The following RANBP2 variants were observed in gnomAD, a reference collection of about 807,000 sequenced individuals.
The protein encoded by RANBP2 is RAN binding protein 2.
A neutral mutation model predicts 303.6 loss-of-function variants in RANBP2; 57 were observed. That is an observed-to-expected ratio of 0.19 (90% CI 0.15 to 0.23). The LOEUF is 0.23. Ranked by LOEUF, RANBP2 falls within the 10% of genes least tolerant of loss-of-function variation. The pLI is 1.00. For synonymous variants in RANBP2, 1,167 were observed against 1,301.5 expected, an observed-to-expected ratio of 0.90 and a Z score of 2.23; for missense variants, 3,138 against 3,780.8, an observed-to-expected ratio of 0.83 and a Z score of 4.46.
At chr2:108,860,920 C>G in the RANBP2 span, among the ~76,000 whole-genome samples, 1 of 126,616 alleles carries the variant, frequency 7.9e-6, no homozygotes, top group Non-Finnish European at 1.6e-5. Context: ...GGCTGTGAAT[C>G]CATCTGGTCC....
the RANBP2 span, chr2:109,419,410 G>A: frequency 4.9e-5 from 46 of 944,062 alleles, no homozygotes; most frequent in East Asian, 4.2e-4. Context: ...GGCACAGCAC[G>A]TTGGAGGCCA....
Position 108,753,123 on chromosome 2 carries a change from T to A in RANBP2, c.1881T>A (p.Asp627Glu). The A allele has an allele frequency of 6.2e-7, 1 of 1,609,490 alleles. No homozygotes were observed. Among genetic ancestry groups the A allele is most frequent in the South Asian group, 1.1e-5 (1 of 90,204 alleles). The change falls in exon 13 of 29, where the codon GAT becomes GAA. Residue 627 changes from aspartate to glutamate, a missense_variant. Coordinates refer to ENST00000283195, the MANE Select transcript of RANBP2 (RefSeq NM_006267.5). ...KKKNSIPEPI[D>E]PLFKHFHSVD... ...AGAACAGTATTCCTGAACCTATTGA[T>A]CCTCTGTTTAAACATTTTCATAGTG...
chr2:109,044,722 G>A, the RANBP2 span, among the ~76,000 whole-genome samples: 1 of 152,014 alleles, frequency 6.6e-6, no homozygotes, highest in Admixed American at 6.6e-5. Context: ...GTATCTGTGT[G>A]GAGCTAGGGG....
At chr2:109,180,521 T>A in the RANBP2 span, among the ~76,000 whole-genome samples, 1 of 152,196 alleles carries the variant, frequency 6.6e-6, no homozygotes, top group Non-Finnish European at 1.5e-5. Flanking sequence ...ACTCTCATAA[T>A]TCCCACGTGT....
At chr2:109,698,834 G>T in the RANBP2 span, among the ~76,000 whole-genome samples, 1 of 152,186 alleles carries the variant, frequency 6.6e-6, no homozygotes, top group South Asian at 2.1e-4. Context: ...GGCTGAGGCT[G>T]AGGCTGGAGA....
rs775608632 is a variant in RANBP2 at position 108,735,659 on chromosome 2, C to G, written c.533C>G (p.Thr178Ser). The change falls in exon 5 of 29, where the codon ACT becomes AGT. Residue 178 changes from threonine to serine, a missense_variant. This residue lies in a region of RANBP2 where 306 missense variants were observed against 381.9 expected (regional missense o/e 0.80). Coordinates refer to ENST00000283195, the MANE Select transcript of RANBP2 (RefSeq NM_006267.5). The stretch of plus-strand genomic sequence containing the variant: ...CGGCTAGTGGAGGTGTATCGCTCAA[C>G]TAAAAGATTGAAGGATGCTGTGGCC... ...NIRLVEVYRSTKRLKDAVAHC... is the reference protein window; with the variant it reads ...NIRLVEVYRSSKRLKDAVAHC... 1.9e-6 allele frequency: 3 copies of G among 1,597,564 alleles called. No homozygotes were observed. Among genetic ancestry groups the G allele is most frequent in the African/African-American group, 2.7e-5 (2 of 74,972 alleles).
the RANBP2 span, among the ~76,000 whole-genome samples, chr2:108,991,719 A>C: frequency 6.6e-6 from 1 of 152,244 alleles, no homozygotes; most frequent in Non-Finnish European, 1.5e-5. Context: ...AAAAACACTC[A>C]GGGGTTGGTA....
the RANBP2 span, among the ~76,000 whole-genome samples, chr2:109,680,632 T>C: frequency 6.6e-6 from 1 of 152,192 alleles, no homozygotes; most frequent in African/African-American, 2.4e-5. Flanking sequence ...CATCACCTGT[T>C]TTCCCCTGGC....
the RANBP2 span, among the ~76,000 whole-genome samples, chr2:109,059,834 TG>T: frequency 0.42 from 64,121 of 151,696 alleles, 15,137 homozygotes; most frequent in South Asian, 0.66. Flanking sequence ...TTTTGGTGGG[TG>T]GGGGGGATGT....
At chr2:108,824,411 G>A in the RANBP2 span, among the ~76,000 whole-genome samples, 7 of 151,664 alleles carry the variant, frequency 4.6e-5, no homozygotes, top group Non-Finnish European at 7.4e-5. Context: ...AGACACAAAC[G>A]CACATGTTAG....
At chr2:109,092,542 A>G in the RANBP2 span, among the ~76,000 whole-genome samples, 1 of 152,212 alleles carries the variant, frequency 6.6e-6, no homozygotes, top group Non-Finnish European at 1.5e-5. Context: ...ACATTTCCAT[A>G]AAACAGAAAA....
chr2:108,985,113 A>C, the RANBP2 span, among the ~76,000 whole-genome samples: 1 of 151,718 alleles, frequency 6.6e-6, no homozygotes, highest in Non-Finnish European at 1.5e-5. Flanking sequence ...GGCAGAATCA[A>C]CTCTTTTTTA....
At chr2:109,553,308 G>C in the RANBP2 span, 1 of 1,363,742 alleles carries the variant, frequency 7.3e-7, no homozygotes, top group Non-Finnish European at 1.0e-6. Flanking sequence ...ACTTTGGGAG[G>C]CCGAGGCAGG....
chr2:109,691,536 G>A, the RANBP2 span, among the ~76,000 whole-genome samples: 1 of 152,120 alleles, frequency 6.6e-6, no homozygotes, highest in Non-Finnish European at 1.5e-5. Context: ...GGCCAGGCTA[G>A]GTCTAGAATG....
the RANBP2 span, among the ~76,000 whole-genome samples, chr2:108,956,428 A>T: frequency 6.6e-6 from 1 of 152,150 alleles, no homozygotes; most frequent in East Asian, 1.9e-4. Flanking sequence ...TCCTGATGCC[A>T]CTCAAATCCC....
the RANBP2 span, among the ~76,000 whole-genome samples, chr2:109,029,258 C>G: frequency 6.6e-6 from 1 of 152,352 alleles, no homozygotes; most frequent in Non-Finnish European, 1.5e-5. Flanking sequence ...CCTCCCCATC[C>G]CAGCCCCCAT....
At chr2:109,531,935 C>A in the RANBP2 span, among the ~76,000 whole-genome samples, 5 of 152,240 alleles carry the variant, frequency 3.3e-5, no homozygotes, top group Admixed American at 3.3e-4. Flanking sequence ...AAATTGATTG[C>A]ACTTGGCCAA....
At chr2:109,568,877 T>C in the RANBP2 span, among the ~76,000 whole-genome samples, 1 of 152,096 alleles carries the variant, frequency 6.6e-6, no homozygotes, top group South Asian at 2.1e-4. Flanking sequence ...CTTAAAAGTG[T>C]TCATGATGCA....
the RANBP2 span, among the ~76,000 whole-genome samples, chr2:109,480,910 A>G: frequency 5.8e-4 from 89 of 152,274 alleles, no homozygotes; most frequent in Non-Finnish European, 1.1e-3. Flanking sequence ...TCTTAAAAGA[A>G]TGTCTAGAAG....
Sources: gnomAD v4.1 joint callset for allele counts (sites outside exome capture counted in the v4.1 genomes callset) on GRCh38, gnomAD v4.1.1 for gene constraint, gnomAD v4.1.1 regional missense constraint, MANE v1.5 for transcripts, NCBI Gene and HGNC (gene_info 2026-07-23, HGNC 2026-07-21) for gene names.